Variants in SGCZ observed in about 807,000 individuals in gnomAD.
SGCZ encodes the protein zeta-sarcoglycan.
SGCZ carries 40 observed loss-of-function variants against 41.3 expected under a neutral mutation model. The ratio of observed to expected loss-of-function variants is 0.97; its 90% confidence interval spans 0.75 to 1.26. The LOEUF is 1.26. Among genes scored for constraint, SGCZ ranks in the 50% most tolerant of loss-of-function variants. The probability of loss-of-function intolerance (pLI) is 0.00; values close to 1 mark genes in which losing one functional copy is unlikely to be tolerated. For missense variants in SGCZ, 552 were observed against 369.8 expected (o/e 1.49, Z -4.04); for synonymous variants, 206 against 137.5 (o/e 1.50, Z -3.49).
intron 2 of SGCZ, among the ~76,000 whole-genome samples, chr8:14,516,108 T>C (rs1391636556): frequency 2.0e-5 from 2 of 99,404 alleles, no homozygotes; most frequent in African/African-American, 7.9e-5. Context: ...TGATGAAACT[T>C]CTCTTTTTTT....
intron 2 of SGCZ, among the ~76,000 whole-genome samples, chr8:14,538,427 G>C (rs1452657141): frequency 6.6e-6 from 1 of 151,878 alleles, no homozygotes; most frequent in Non-Finnish European, 1.5e-5. Flanking sequence ...AGCAAGAGTA[G>C]AACATTCTAG....
chr8:14,821,651 T>A (rs1440340546), intron 1 of SGCZ, among the ~76,000 whole-genome samples: 1 of 152,132 alleles, frequency 6.6e-6, no homozygotes, highest in Non-Finnish European at 1.5e-5. Flanking sequence ...GATGCAAGAA[T>A]GTCTTAACAT....
chr8:14,227,629 G>A (rs955508658), intron 4 of SGCZ, among the ~76,000 whole-genome samples: 14 of 152,008 alleles, frequency 9.2e-5, no homozygotes, highest in African/African-American at 3.4e-4. Context: ...TGCTGATTAA[G>A]GGATTCATAA....
intron 5 of SGCZ, among the ~76,000 whole-genome samples, chr8:14,156,420 C>T (rs771466621): frequency 6.6e-6 from 1 of 151,974 alleles, no homozygotes; most frequent in Non-Finnish European, 1.5e-5. Flanking sequence ...GAGATCATGC[C>T]ACTTCACTCC....
chr8:15,094,355 G>A (rs1255352239), intron 1 of SGCZ, among the ~76,000 whole-genome samples: 6 of 151,952 alleles, frequency 3.9e-5, no homozygotes, highest in African/African-American at 1.2e-4. Context: ...GGCTGATCTC[G>A]GACTCCTGAC....
At chr8:14,437,102 A>T (rs1800115334) in intron 2 of SGCZ, among the ~76,000 whole-genome samples, 1 of 152,202 alleles carries the variant, frequency 6.6e-6, no homozygotes, top group African/African-American at 2.4e-5. Context: ...ATATTATAAA[A>T]TAGAATTTGT....
intron 1 of SGCZ, among the ~76,000 whole-genome samples, chr8:14,874,320 G>A (rs895079031): frequency 5.3e-5 from 8 of 152,250 alleles, no homozygotes; most frequent in African/African-American, 1.9e-4. Context: ...CTTCTTGAAA[G>A]TTGACTGTCC....
intron 4 of SGCZ, among the ~76,000 whole-genome samples, chr8:14,204,975 ATAT>A (rs1444279362): frequency 6.6e-6 from 1 of 152,062 alleles, no homozygotes; most frequent in African/African-American, 2.4e-5. Context: ...CTCAGCCTCC[ATAT>A]TAATAGGAAC....
At chr8:14,474,549 C>A (rs540230606) in intron 2 of SGCZ, among the ~76,000 whole-genome samples, 6 of 152,122 alleles carry the variant, frequency 3.9e-5, no homozygotes, top group Non-Finnish European at 8.8e-5. Context: ...CTTTGTAGAG[C>A]GCTCCATGAA....
At chr8:14,137,050 C>T (rs1473779112) in intron 5 of SGCZ, among the ~76,000 whole-genome samples, 2 of 152,150 alleles carry the variant, frequency 1.3e-5, no homozygotes, top group Non-Finnish European at 2.9e-5. Context: ...GGTGGACCTC[C>T]ACTAAACTCC....
chr8:15,103,108 A>T (rs1358538868), intron 1 of SGCZ, among the ~76,000 whole-genome samples: 1 of 152,140 alleles, frequency 6.6e-6, no homozygotes, highest in African/African-American at 2.4e-5. Context: ...TAATAGAGAA[A>T]TGACAGTCAC....
chr8:15,146,634 A>T (rs1205749051), intron 1 of SGCZ, among the ~76,000 whole-genome samples: 1 of 152,240 alleles, frequency 6.6e-6, no homozygotes, highest in Non-Finnish European at 1.5e-5. Context: ...TGAAGATAAT[A>T]CTAAAAGAAA....
chr8:15,235,129 G>A (rs1290459683), intron 1 of SGCZ, among the ~76,000 whole-genome samples: 2 of 152,118 alleles, frequency 1.3e-5, no homozygotes, highest in Non-Finnish European at 2.9e-5. Context: ...TCTTCAGCAA[G>A]AAGCCACCAG....
intron 4 of SGCZ, among the ~76,000 whole-genome samples, chr8:14,182,850 A>T (rs1804774039): frequency 2.0e-5 from 3 of 151,948 alleles, no homozygotes; most frequent in African/African-American, 4.8e-5. Flanking sequence ...TCTCTACTAA[A>T]AATACAAAAA....
At chr8:14,673,654 G>T (rs117907951) in intron 1 of SGCZ, among the ~76,000 whole-genome samples, 2,204 of 152,190 alleles carry the variant, frequency 0.014, 24 homozygotes, top group Non-Finnish European at 0.018. Context: ...TAATACAATG[G>T]TAAATATATA....
intron 1 of SGCZ, among the ~76,000 whole-genome samples, chr8:14,753,160 G>A (rs934029049): frequency 6.6e-6 from 1 of 152,082 alleles, no homozygotes; most frequent in African/African-American, 2.4e-5. Context: ...TCTATCCTTA[G>A]CCTGATACTT....
At chr8:14,703,339 G>A (rs1213167566) in intron 1 of SGCZ, among the ~76,000 whole-genome samples, 2 of 151,864 alleles carry the variant, frequency 1.3e-5, no homozygotes, top group South Asian at 2.1e-4. Context: ...TTGCCTCAGG[G>A]TGTGTGTTCC....
rs376743258 is a variant in SGCZ, at chr8:14,687,162, G to GA, written c.40-132237dup. On this transcript the variant is annotated intron_variant, in intron 1 of 7. Coordinates refer to ENST00000382080, the MANE Select transcript of SGCZ (RefSeq NM_139167.4). ...TCCCAAGGCTTTTACTCACTTTAAA[G>GA]AAAAAAAAAATATATATATATATAT... 9.2e-3 allele frequency among the ~76,000 whole-genome samples: 1,255 copies of GA among 136,374 alleles called. 13 individuals carry two copies. Among genetic ancestry groups the GA allele is most frequent in the Middle Eastern group, 0.028 (7 of 254 alleles). 89.5% of individuals were successfully genotyped at this position (136,374 alleles called of 152,430 possible).
In SGCZ at chr8:15,076,753, C is replaced by CT. The variant is rs566416257; in HGVS notation, c.39+160831_39+160832insA. 2.0e-3 allele frequency among the ~76,000 whole-genome samples: 285 copies of CT among 143,766 alleles called. 8 individuals are homozygous for CT. The highest frequency in any genetic ancestry group is 6.3e-3 in the African/African-American group (234 of 37,154). The allele number at this position is 143,766 out of a possible 152,430, so 94.3% of individuals were successfully genotyped here. ...TCAAGGAACTTAAATAAGTCTCTCT[C>CT]ATTTTTTTTTTTTTTTTGCTTCCCT... On this transcript the variant is annotated intron_variant, in intron 1 of 7. Coordinates refer to ENST00000382080, the MANE Select transcript of SGCZ (RefSeq NM_139167.4).
Sources: gnomAD v4.1 joint callset for allele counts (sites outside exome capture counted in the v4.1 genomes callset) on GRCh38, gnomAD v4.1.1 for gene constraint, MANE v1.5 for transcripts, NCBI Gene and HGNC (gene_info 2026-07-23, HGNC 2026-07-21) for gene names.